The following NEB variants were observed in gnomAD, a reference collection of about 807,000 sequenced individuals.
NEB encodes the protein nemaline myopathy type 2.
A neutral mutation model predicts 952.2 loss-of-function variants in NEB; 512 were observed. The observed-to-expected ratio is 0.54, with a 90% CI of 0.50 to 0.58. The LOEUF is 0.58. Among genes scored for constraint, NEB ranks in the 20% least tolerant of loss-of-function variants. NEB has a pLI of 0.00. For missense variants in NEB, 8,428 were observed against 9,231.1 expected (o/e 0.91, Z 3.56); for synonymous variants, 2,900 against 3,149.8 (o/e 0.92, Z 2.66).
chr2:151,682,614 A>T, intron 29 of NEB, 48 bp downstream of exon 29: 2 of 1,455,028 alleles, frequency 1.4e-6, no homozygotes, highest in Non-Finnish European at 1.9e-6. Flanking sequence ...TGAGAGCTTT[A>T]ACACAACACA....
rs186634689 is a variant in NEB at position 151,627,791 on chromosome 2, A to G, written c.9875T>C (p.Ile3292Thr). ...DGYRKQLGHH[I>T]GARNIEDDPK... The stretch of plus-strand genomic sequence containing the variant: ...GTCATCTTCAATGTTCCGGGCTCCA[A>G]TGTGGTGGCCGAGCTGCTTGCGGTA... The change falls in exon 69 of 182, where the codon ATT (isoleucine) becomes ACT (threonine). Residue 3292 changes from isoleucine (I) to threonine (T), a missense_variant. Ile to Thr is a moderately conservative substitution (Grantham distance 89, BLOSUM62 -1). Around this residue, in one of 11 missense-constraint regions of NEB, gnomAD observed 1,772 missense variants for 1,960.3 expected, o/e 0.90. Coordinates refer to ENST00000397345, the MANE Select transcript of NEB (RefSeq NM_001164508.2). 1.7e-5 allele frequency: 28 copies of G among 1,613,972 alleles called. No individual in the cohort carries two copies. Among genetic ancestry groups the G allele is most frequent in the Non-Finnish European group, 2.1e-5 (25 of 1,179,874 alleles).
intron 37 of NEB, chr2:151,671,479 A>T: frequency 2.3e-6 from 1 of 426,024 alleles, no homozygotes; most frequent in Non-Finnish European, 4.2e-6. Flanking sequence ...AAATTTTGTC[A>T]CTTTTGACAA....
chr2:151,687,068 G>T (rs2099508569), intron 27 of NEB, among the ~76,000 whole-genome samples: 1 of 152,104 alleles, frequency 6.6e-6, no homozygotes, highest in African/African-American at 2.4e-5. Context: ...CCAAAGTAAA[G>T]ACAGTTTGAA....
chr2:151,614,734 C>A (rs1217591856), intron 76 of NEB, 147 bp from the exon 77 acceptor site: 16 of 1,027,940 alleles, frequency 1.6e-5, no homozygotes, highest in Admixed American at 2.8e-5. Context: ...TTTTAAAAGT[C>A]AAAACCTGAA....
chr2:151,490,246 T>G (rs894768025), intron 180 of NEB, 126 bp downstream of exon 180: 1 of 1,276,568 alleles, frequency 7.8e-7, no homozygotes, highest in East Asian at 2.5e-5. Flanking sequence ...ACAATTCTAG[T>G]CTTTTCTCAT....
At chr2:151,551,899 T>A in intron 128 of NEB, 54 bp from the exon 129 acceptor site, 1 of 1,309,190 alleles carries the variant, frequency 7.6e-7, no homozygotes, top group Non-Finnish European at 1.1e-6. Context: ...CCCAGGTTCC[T>A]CTTTAAAAAA....
Position 151,533,560 on chromosome 2 carries a change from G to C in NEB, c.21313-14C>G. 2 of 1,501,948 alleles carry C rather than the reference G, an allele frequency of 1.3e-6. No individual in the cohort carries two copies. The highest frequency in any genetic ancestry group is 9.1e-7 in the Non-Finnish European group (1 of 1,102,292). The allele number at this position is 1,501,948 out of a possible 1,614,324, so 93.0% of individuals were successfully genotyped here. A position where few individuals can be genotyped will look rare whatever the true frequency, so the allele number is the denominator to read the frequency against. ...TTTATATTTTCTCTGTCCATGCAAA[G>C]AGCAGTGAAGCACAAAAGAGACTTA... is the stretch of plus-strand genomic sequence containing the variant. On this transcript the variant is annotated splice_polypyrimidine_tract_variant and intron_variant, in intron 142 of 181. Coordinates refer to ENST00000397345, the MANE Select transcript of NEB (RefSeq NM_001164508.2).
intron 121 of NEB, 21 bp from the exon 122 acceptor site, chr2:151,561,333 C>T (rs2096028661): frequency 6.5e-7 from 1 of 1,529,680 alleles, no homozygotes; most frequent in African/African-American, 1.4e-5. Flanking sequence ...AAACAAAAGT[C>T]ATCAAAAATG....
At chr2:151,489,422 A>T (rs2054191849) in intron 181 of NEB, among the ~76,000 whole-genome samples, 1 of 152,204 alleles carries the variant, frequency 6.6e-6, no homozygotes, top group Non-Finnish European at 1.5e-5. Context: ...TTTTTGAGAC[A>T]GGGTCTCCCT....
At chr2:151,494,331 ACTTTTGATTAT>A in intron 173 of NEB, 78 bp from the exon 174 acceptor site, 1 of 971,656 alleles carries the variant, frequency 1.0e-6, no homozygotes, top group South Asian at 1.5e-5. Context: ...GGTACAGATA[ACTTTTGATTAT>A]CTTTAGGGCC....
In NEB at chr2:151,609,937, A is replaced by T; in HGVS notation, c.12202T>A (p.Leu4068Met). The T allele has an allele frequency of 6.2e-7, 1 of 1,613,990 alleles. No individual in the cohort carries two copies. The highest frequency in any genetic ancestry group is 8.5e-7 in the Non-Finnish European group (1 of 1,179,862). ...FSSPVDMLSI[L>M]LAKKCQTLVT... is the part of the protein sequence containing the mutation. ...AAAGTCTGACATTTCTTGGCCAGCA[A>T]GATGCTTAACATGTCCACTGGGCTA... Residue 4068 changes from leucine to methionine, a missense_variant, in exon 81 of 182, where the codon TTG becomes ATG. By Grantham distance (15) the Leu-to-Met change is conservative (BLOSUM62 2). Around this residue, in one of 11 missense-constraint regions of NEB, gnomAD observed 337 missense variants for 297.5 expected, o/e 1.13. Coordinates refer to ENST00000397345, the MANE Select transcript of NEB (RefSeq NM_001164508.2).
chr2:151,495,267 T>C (rs1402724110), intron 173 of NEB: 2 of 152,166 alleles, frequency 1.3e-5, no homozygotes, highest in African/African-American at 4.8e-5. Context: ...GGAAATGACA[T>C]TGAAGAGGAA....
chr2:151,674,339 G>A (rs1268883390), intron 36 of NEB, 138 bp downstream of exon 36: 4 of 764,220 alleles, frequency 5.2e-6, no homozygotes, highest in Admixed American at 2.2e-5. Flanking sequence ...AAAGTGACAG[G>A]TTTTTCCAAA....
In NEB at chr2:151,672,390, A is replaced by G. The variant is rs2099312128; in HGVS notation, c.4278T>C (p.Asn1426=). ...TTACATCACTCTGAATTTGATTGACATTCCTCGTATGCTCAAGACTCATGG... is the reference window on the plus strand; with the variant it reads ...TTACATCACTCTGAATTTGATTGACGTTCCTCGTATGCTCAAGACTCATGG... ...PDAMSLEHTR[N]VNQIQSDNVY... is the part of the protein sequence containing the mutation. The change falls in exon 37 of 182, where the codon AAT becomes AAC. Residue 1426 remains asparagine (N), a synonymous_variant. Transcript: ENST00000397345. 1.9e-6 allele frequency: 3 copies of G among 1,601,672 alleles called. No homozygotes were observed. The African/African-American group carries it at 4.0e-5, about 21-fold the overall frequency.
chr2:151,682,816 A>G (rs769863224), intron 28 of NEB, 47 bp from the exon 29 acceptor site: 1 of 1,482,564 alleles, frequency 6.7e-7, no homozygotes, highest in South Asian at 1.2e-5. Context: ...TGTCATCCTC[A>G]TTATGTAAAA....
At position 151,674,491 on chromosome 2, in the gene NEB, T is replaced by A. The variant is rs2099343673; in HGVS notation, c.3973A>T (p.Asn1325Tyr). ...TTTGTACTCACATCACTGGCAATGT[T>A]TCTCGATGCCTTGGCTGCAGTGATG... ...IPITAAKASR[N>Y]IASDYKYKEA... The change falls in exon 36 of 182, where the codon AAC (asparagine) becomes TAC (tyrosine). Residue 1325 changes from asparagine to tyrosine, a missense_variant. By Grantham distance (143) the Asn-to-Tyr change is moderately radical (BLOSUM62 -2). Around this residue, in one of 11 missense-constraint regions of NEB, gnomAD observed 2,851 missense variants for 2,791.5 expected, o/e 1.02. Transcript: ENST00000397345. 6.2e-7 allele frequency: 1 copy of A among 1,613,894 alleles called. No homozygotes were observed. Among genetic ancestry groups the A allele is most frequent in the Non-Finnish European group, 8.5e-7 (1 of 1,179,740 alleles).
Position 151,666,405 on chromosome 2 carries a change from T to C in NEB, c.4720-4A>G, listed in dbSNP as rs753231552. 2 of 1,609,620 alleles carry C rather than the reference T, an allele frequency of 1.2e-6. No individual in the cohort carries two copies. Among genetic ancestry groups the C allele is most frequent in the East Asian group, 2.2e-5 (1 of 44,812 alleles). On this transcript the variant is annotated splice_region_variant and splice_polypyrimidine_tract_variant and intron_variant, in intron 40 of 181. Coordinates refer to ENST00000397345, the MANE Select transcript of NEB (RefSeq NM_001164508.2). ...CGTAGGCCTCCTTATATTTGCACTA[T>C]TTGAAAACAAAGGGCAAACAGAAGT...
intron 110 of NEB, among the ~76,000 whole-genome samples, 190 bp from the exon 111 acceptor site, chr2:151,568,906 C>T (rs2096531599): frequency 6.6e-6 from 1 of 152,122 alleles, no homozygotes; most frequent in Non-Finnish European, 1.5e-5. Context: ...TCTTATGCCT[C>T]CCACAGATTT....
chr2:151,566,103 T>C (rs2096372789), intron 114 of NEB, among the ~76,000 whole-genome samples: 1 of 152,198 alleles, frequency 6.6e-6, no homozygotes, highest in Non-Finnish European at 1.5e-5. Context: ...TCAAATGCTA[T>C]TGGAGTTGAG....
Sources: allele counts gnomAD v4.1 joint callset (sites outside exome capture counted in the v4.1 genomes callset), GRCh38; gene constraint gnomAD v4.1.1; regional missense constraint gnomAD v4.1.1; transcripts MANE v1.5; gene names NCBI Gene and HGNC (gene_info 2026-07-23, HGNC 2026-07-21).